The following GRIN3A variants were observed in gnomAD, a reference collection of about 807,000 sequenced individuals.
The protein encoded by GRIN3A is glutamate ionotropic receptor NMDA type subunit 3A.
GRIN3A carries 47 observed loss-of-function variants against 92.4 expected under a neutral mutation model. The ratio of observed to expected loss-of-function variants is 0.51; its 90% confidence interval spans 0.40 to 0.65. The LOEUF is 0.65. Among genes scored for constraint, GRIN3A ranks in the 30% least tolerant of loss-of-function variants. The probability of loss-of-function intolerance (pLI) is 0.00; values close to 1 mark genes in which losing one functional copy is unlikely to be tolerated. For missense variants in GRIN3A, 1,324 were observed against 1,393.1 expected (o/e 0.95, Z 0.79); for synonymous variants, 527 against 540.6 (o/e 0.97, Z 0.35).
intron 6 of GRIN3A, among the ~76,000 whole-genome samples, chr9:101,609,266 A>C (rs1828326839): frequency 1.3e-5 from 2 of 152,220 alleles, no homozygotes; most frequent in East Asian, 3.9e-4. Context: ...GTTTCTGGTA[A>C]TATTTCTTTA....
intron 3 of GRIN3A, among the ~76,000 whole-genome samples, chr9:101,636,506 A>T (rs1185071126): frequency 6.6e-6 from 1 of 152,194 alleles, no homozygotes; most frequent in African/African-American, 2.4e-5. Flanking sequence ...AGGCCACAAA[A>T]CTGGAATATG....
chr9:101,663,014 C>T (rs759473652), intron 3 of GRIN3A, among the ~76,000 whole-genome samples: 5 of 151,756 alleles, frequency 3.3e-5, no homozygotes, highest in Non-Finnish European at 7.4e-5. Flanking sequence ...GATCAAAACC[C>T]TCTATCTTGT....
At chr9:101,574,769 C>G (rs373136506) in intron 8 of GRIN3A, among the ~76,000 whole-genome samples, 73 of 152,254 alleles carry the variant, frequency 4.8e-4, no homozygotes, top group African/African-American at 1.6e-3. Context: ...GTGGCAGTTC[C>G]AAGCCTAAAC....
intron 6 of GRIN3A, among the ~76,000 whole-genome samples, chr9:101,590,412 C>T (rs938459622): frequency 2.3e-5 from 3 of 128,352 alleles, no homozygotes; most frequent in African/African-American, 5.3e-5. Flanking sequence ...GATGGAATCT[C>T]GCTCTGTCAC....
At chr9:101,688,486 A>C (rs1829566201) in intron 1 of GRIN3A, among the ~76,000 whole-genome samples, 1 of 152,196 alleles carries the variant, frequency 6.6e-6, no homozygotes, top group Non-Finnish European at 1.5e-5. Flanking sequence ...TGTAATGATA[A>C]AAACAGAGCG....
chr9:101,693,339 G>A (rs2256856), intron 1 of GRIN3A, among the ~76,000 whole-genome samples: 117,904 of 150,832 alleles, frequency 0.78, 46,466 homozygotes, highest in Middle Eastern at 0.84. Context: ...AGAGTTGCTT[G>A]AGTCTGGAGG....
Position 101,570,117 on chromosome 9 carries a change from G to A in GRIN3A, c.*3057C>T, listed in dbSNP as rs184559133. ...CTTCCAATTTGTTTTTAAATTTTGGGAGATTCCCCTTTCTCCTCCACCTGG... is the reference window on the plus strand; with the variant it reads ...CTTCCAATTTGTTTTTAAATTTTGGAAGATTCCCCTTTCTCCTCCACCTGG... On this transcript the variant is annotated 3_prime_UTR_variant, in exon 9 of 9. Transcript: ENST00000361820. 6.6e-6 allele frequency: 1 copy of A among 152,266 alleles called. No individual in the cohort carries two copies. The highest frequency in any genetic ancestry group is 2.4e-5 in the African/African-American group (1 of 41,548). The allele number at this position is 152,266 out of a possible 1,614,324, so 9.4% of individuals were successfully genotyped here.
At chr9:101,716,866 G>A (rs1829953902) in intron 1 of GRIN3A, among the ~76,000 whole-genome samples, 1 of 152,188 alleles carries the variant, frequency 6.6e-6, no homozygotes, top group Admixed American at 6.5e-5. Context: ...AAAAAATCCA[G>A]TCTGGCTTCC....
chr9:101,689,725 C>T (rs1329782941), intron 1 of GRIN3A, among the ~76,000 whole-genome samples: 1 of 147,814 alleles, frequency 6.8e-6, no homozygotes, highest in Non-Finnish European at 1.5e-5. Flanking sequence ...CACATGCATA[C>T]ACATGCACAC....
chr9:101,709,282 T>C (rs1036075122), intron 1 of GRIN3A, among the ~76,000 whole-genome samples: 2 of 152,246 alleles, frequency 1.3e-5, no homozygotes, highest in African/African-American at 4.8e-5. Flanking sequence ...TATTTATCTA[T>C]GTCACCAGCT....
intron 1 of GRIN3A, among the ~76,000 whole-genome samples, chr9:101,711,158 A>G (rs1401802617): frequency 6.6e-6 from 1 of 152,160 alleles, no homozygotes; most frequent in Non-Finnish European, 1.5e-5. Context: ...ATTGTCACAG[A>G]GCATTAGGCT....
At chr9:101,587,136 C>T (rs1177238044) in intron 6 of GRIN3A, among the ~76,000 whole-genome samples, 1 of 151,938 alleles carries the variant, frequency 6.6e-6, no homozygotes, top group Admixed American at 6.6e-5. Flanking sequence ...ATGGTGAAAC[C>T]CTGTCTCTAC....
intron 1 of GRIN3A, among the ~76,000 whole-genome samples, chr9:101,736,867 A>C (rs1830213086): frequency 6.6e-6 from 1 of 152,082 alleles, no homozygotes; most frequent in South Asian, 2.1e-4. Context: ...TGGGAGTGTG[A>C]CACCTAGCCA....
chr9:101,636,065 A>G, intron 3 of GRIN3A, among the ~76,000 whole-genome samples: 1 of 152,068 alleles, frequency 6.6e-6, no homozygotes, highest in Middle Eastern at 3.2e-3. Flanking sequence ...GTGTTTTTAG[A>G]AGAGAAGAGG....
intron 8 of GRIN3A, among the ~76,000 whole-genome samples, chr9:101,575,463 C>G (rs1353455376): frequency 1.3e-5 from 2 of 152,042 alleles, no homozygotes; most frequent in Non-Finnish European, 2.9e-5. Flanking sequence ...ACAGGGGTGA[C>G]ATGTATTGAT....
rs1829545845 is a variant in GRIN3A at position 101,686,912 on chromosome 9, A to G, written c.988T>C (p.Cys330Arg). Residue 330 changes from cysteine (C) to arginine (R), a missense_variant, in exon 2 of 9, where the codon TGC becomes CGC. Coordinates refer to ENST00000361820, the MANE Select transcript of GRIN3A (RefSeq NM_133445.3). ...NSTPTVVMFG[C>R]DMESIRRIFE... ...ATCCGCCGGATACTTTCCATGTCGC[A>G]GCCAAACATCACCACTGTGGGTGTG... 1 of 1,614,118 alleles carries G rather than the reference A, an allele frequency of 6.2e-7. No individual in the cohort carries two copies. Among genetic ancestry groups the G allele is most frequent in the Non-Finnish European group, 8.5e-7 (1 of 1,180,060 alleles).
intron 6 of GRIN3A, among the ~76,000 whole-genome samples, chr9:101,603,992 C>T (rs1302953709): frequency 6.6e-6 from 1 of 152,248 alleles, no homozygotes; most frequent in Non-Finnish European, 1.5e-5. Flanking sequence ...ATTGCTGCCC[C>T]TGTGGCGGTG....
At chr9:101,660,977 G>A (rs1829164718) in intron 3 of GRIN3A, among the ~76,000 whole-genome samples, 1 of 151,868 alleles carries the variant, frequency 6.6e-6, no homozygotes, top group South Asian at 2.1e-4. Context: ...ACAGTGTTAA[G>A]CAAGATAAAG....
chr9:101,628,607 A>C (rs1828669835), intron 3 of GRIN3A, among the ~76,000 whole-genome samples: 1 of 152,218 alleles, frequency 6.6e-6, no homozygotes, highest in African/African-American at 2.4e-5. Context: ...AACAGATGGA[A>C]ACGACAAACA....
Sources: gnomAD v4.1 joint callset for allele counts (sites outside exome capture counted in the v4.1 genomes callset) on GRCh38, gnomAD v4.1.1 for gene constraint, MANE v1.5 for transcripts, NCBI Gene and HGNC (gene_info 2026-07-23, HGNC 2026-07-21) for gene names.